Variants in ENPP3 observed in about 807,000 individuals in gnomAD.
The protein encoded by ENPP3 is ectonucleotide pyrophosphatase/phosphodiesterase 3, also known as ectonucleotide pyrophosphatase/phosphodiesterase family member 3.
ENPP3 carries 104 observed loss-of-function variants against 117.8 expected under a neutral mutation model. The ratio of observed to expected loss-of-function variants is 0.88; its 90% confidence interval spans 0.75 to 1.04. The LOEUF is 1.04. ENPP3 is among the 50% of genes least tolerant of loss of function. The pLI, the probability that ENPP3 is intolerant of heterozygous loss-of-function variation, is 0.00. For synonymous variants in ENPP3, 380 were observed against 349.9 expected (o/e 1.09, Z -0.96); for missense variants, 1,026 against 1,051.9 (o/e 0.98, Z 0.34).
intron 20 of ENPP3, among the ~76,000 whole-genome samples, chr6:131,729,646 G>A (rs967150280): frequency 6.6e-6 from 1 of 151,794 alleles, no homozygotes; most frequent in East Asian, 1.9e-4. Flanking sequence ...TGTGTTGGAG[G>A]CGGGGTGGTG....
intron 6 of ENPP3, among the ~76,000 whole-genome samples, chr6:131,667,740 C>T (rs1778647651): frequency 6.6e-6 from 1 of 152,172 alleles, no homozygotes; most frequent in South Asian, 2.1e-4. Context: ...TAAGCAGGAG[C>T]CTCTCAAGTA....
intron 11 of ENPP3, among the ~76,000 whole-genome samples, chr6:131,681,055 G>A (rs1779012901): frequency 6.6e-6 from 1 of 151,644 alleles, no homozygotes; most frequent in South Asian, 2.1e-4. Context: ...TGTGGTTGGG[G>A]GAGTGAATCA....
intron 5 of ENPP3, among the ~76,000 whole-genome samples, chr6:131,656,532 C>T (rs1778388427): frequency 6.6e-6 from 1 of 152,126 alleles, no homozygotes; most frequent in Non-Finnish European, 1.5e-5. Flanking sequence ...CTTTGGGAGG[C>T]TGAGGCAGGC....
rs371282868 is a variant in ENPP3 at position 131,737,372 on chromosome 6, G to C, written c.2107G>C (p.Asp703His). Residue 703 changes from aspartate to histidine, a missense_variant, in exon 22 of 25, where the codon GAT becomes CAT. By Grantham distance (81) the Asp-to-His change is moderately conservative. Coordinates refer to ENST00000357639, the MANE Select transcript of ENPP3 (RefSeq NM_005021.5). ...LYPPASNRTSDSQYDALITSN... is the reference protein window; with the variant it reads ...LYPPASNRTSHSQYDALITSN... ...TTTTGCAGCCAGCAATAGAACATCA[G>C]ATAGCCAATATGATGCTTTAATTAC... 6.2e-7 allele frequency: 1 copy of C among 1,608,590 alleles called. No homozygotes were observed. Among genetic ancestry groups the C allele is most frequent in the Non-Finnish European group, 8.5e-7 (1 of 1,176,182 alleles).
At chr6:131,734,224 G>T (rs1431483031) in intron 21 of ENPP3, among the ~76,000 whole-genome samples, 1 of 152,146 alleles carries the variant, frequency 6.6e-6, no homozygotes. Context: ...ATGCTGTAGG[G>T]CTAACAGTTT....
intron 21 of ENPP3, among the ~76,000 whole-genome samples, chr6:131,736,190 C>G (rs971422962): frequency 6.6e-6 from 1 of 152,222 alleles, no homozygotes; most frequent in Admixed American, 6.5e-5. Context: ...GCTGAACACT[C>G]ACTGTGCTAG....
chr6:131,701,447 A>T, intron 15 of ENPP3: 1 of 1,196,106 alleles, frequency 8.4e-7, no homozygotes, highest in Non-Finnish European at 1.2e-6. Flanking sequence ...GGTTTAGGAG[A>T]AGTGTTTAAA....
intron 20 of ENPP3, among the ~76,000 whole-genome samples, chr6:131,733,002 C>T (rs1324607100): frequency 1.3e-5 from 2 of 151,774 alleles, no homozygotes; most frequent in African/African-American, 4.8e-5. Flanking sequence ...GCTGGGATTA[C>T]AAGCATGAGC....
At chr6:131,724,915 A>C (rs1371405890) in intron 19 of ENPP3, among the ~76,000 whole-genome samples, 3 of 152,110 alleles carry the variant, frequency 2.0e-5, no homozygotes, top group Non-Finnish European at 4.4e-5. Flanking sequence ...ATTAAAAGTA[A>C]TGGCAAAAAA....
chr6:131,705,978 A>G (rs1373993857), intron 15 of ENPP3, among the ~76,000 whole-genome samples: 1 of 136,592 alleles, frequency 7.3e-6, no homozygotes, highest in Non-Finnish European at 1.5e-5. Context: ...GCAAACAACT[A>G]TGTATTTTGC....
At chr6:131,676,093 C>T (rs1778862564) in intron 9 of ENPP3, among the ~76,000 whole-genome samples, 1 of 152,072 alleles carries the variant, frequency 6.6e-6, no homozygotes, top group South Asian at 2.1e-4. Context: ...ACTGGCTGTT[C>T]ACCCTCCCTG....
intron 12 of ENPP3, among the ~76,000 whole-genome samples, chr6:131,683,850 A>T (rs1412336524): frequency 6.8e-6 from 1 of 147,972 alleles, no homozygotes; most frequent in Non-Finnish European, 1.5e-5. Context: ...TCCCGAGTTC[A>T]TGCCATTCTC....
chr6:131,734,525 A>G (rs555820506), intron 21 of ENPP3, among the ~76,000 whole-genome samples: 6 of 152,286 alleles, frequency 3.9e-5, no homozygotes, highest in Non-Finnish European at 1.5e-5. Flanking sequence ...GAGTTAGGAT[A>G]AATTAACTGA....
At chr6:131,688,896 CAAAA>C (rs34743742) in intron 14 of ENPP3, among the ~76,000 whole-genome samples, 5 of 88,282 alleles carry the variant, frequency 5.7e-5, no homozygotes, top group African/African-American at 7.2e-5. Context: ...ACTAAAAATC[CAAAA>C]AAAAAAAAAA....
intron 8 of ENPP3, 134 bp from the exon 9 acceptor site, chr6:131,674,946 T>G: frequency 5.1e-6 from 3 of 586,760 alleles, no homozygotes; most frequent in Non-Finnish European, 9.1e-6. Context: ...AATTATATCT[T>G]TTAATTACTA....
intron 1 of ENPP3, among the ~76,000 whole-genome samples, chr6:131,641,121 A>T (rs1018591482): frequency 6.6e-5 from 10 of 152,202 alleles, no homozygotes; most frequent in African/African-American, 2.4e-4. Flanking sequence ...GTTTAAAAAA[A>T]ATGGCCCAGA....
intron 24 of ENPP3, among the ~76,000 whole-genome samples, chr6:131,746,258 T>G (rs1780633459): frequency 6.6e-6 from 1 of 152,136 alleles, no homozygotes; most frequent in Non-Finnish European, 1.5e-5. Context: ...TGTTTTGCAT[T>G]TAAATGAGGA....
At chr6:131,646,744 C>CTTTTT (rs60833768) in intron 2 of ENPP3, among the ~76,000 whole-genome samples, 1 of 128,916 alleles carries the variant, frequency 7.8e-6, no homozygotes, top group Non-Finnish European at 1.6e-5. Context: ...AAGCTCTTGG[C>CTTTTT]TTTTTTTTTT....
intron 11 of ENPP3, among the ~76,000 whole-genome samples, 181 bp downstream of exon 11, chr6:131,678,121 A>T (rs1423610452): frequency 6.6e-6 from 1 of 152,260 alleles, no homozygotes; most frequent in Non-Finnish European, 1.5e-5. Context: ...ACTTAACCAT[A>T]AAATAGTTGA....
Sources: gnomAD v4.1 joint callset for allele counts (sites outside exome capture counted in the v4.1 genomes callset) on GRCh38, gnomAD v4.1.1 for gene constraint, MANE v1.5 for transcripts, NCBI Gene and HGNC (gene_info 2026-07-23, HGNC 2026-07-21) for gene names.